The following WWC2 variants were observed in gnomAD, a reference collection of about 807,000 sequenced individuals.
WWC2 encodes the protein protein WWC2.
WWC2 carries 101 observed loss-of-function variants against 138.5 expected under a neutral mutation model. The ratio of observed to expected loss-of-function variants is 0.73; its 90% CI spans 0.62 to 0.86. WWC2 has a LOEUF of 0.86. WWC2 is among the 40% of genes least tolerant of loss of function. The pLI, the probability that WWC2 is intolerant of heterozygous loss-of-function variation, is 0.00. For synonymous variants in WWC2, 558 were observed against 538.4 expected, an observed-to-expected ratio of 1.04 and a Z score of -0.50; for missense variants, 1,420 against 1,419.4, an observed-to-expected ratio of 1.00 and a Z score of -0.01.
intron 1 of WWC2, among the ~76,000 whole-genome samples, chr4:183,191,676 A>G (rs1040652149): frequency 6.6e-6 from 1 of 152,078 alleles, no homozygotes; most frequent in Non-Finnish European, 1.5e-5. Context: ...AGAGTTTCTG[A>G]TTCTACAATA....
chr4:183,320,095 C>T lies in WWC2; in HGVS notation c.*4366C>T, dbSNP rs371081192. The T allele has an allele frequency of 1.2e-4, 186 of 1,614,014 alleles. 1 individual carries two copies. The highest frequency in any genetic ancestry group is 1.0e-3 in the Admixed American group (60 of 59,992). ...AGTCCCATGGTCCAGTTTTCCATTT[C>T]ATTTAAGTCCAGGTTGAGGTTCTTC... On this transcript the variant is annotated 3_prime_UTR_variant, in exon 23 of 23. Coordinates refer to ENST00000403733, the MANE Select transcript of WWC2 (RefSeq NM_024949.6).
At chr4:183,313,945 T>G (rs953538666) in intron 22 of WWC2, among the ~76,000 whole-genome samples, 7 of 151,462 alleles carry the variant, frequency 4.6e-5, no homozygotes, top group Admixed American at 2.6e-4. Context: ...GGTTGAGGTT[T>G]TGTATAGACG....
intron 1 of WWC2, among the ~76,000 whole-genome samples, chr4:183,159,560 C>T (rs1375503902): frequency 6.6e-6 from 1 of 152,042 alleles, no homozygotes; most frequent in Non-Finnish European, 1.5e-5. Flanking sequence ...TGCACCACAA[C>T]ACCTGTCTAA....
rs564145141 is a variant in WWC2 at position 183,151,552 on chromosome 4, C to T, written c.132-42047C>T. 1.1e-4 allele frequency among the ~76,000 whole-genome samples: 16 copies of T among 152,226 alleles called. No individual in the cohort carries two copies. The East Asian group carries it at 2.5e-3, about 24-fold the overall frequency. On this transcript the variant is annotated intron_variant, in intron 1 of 22. Transcript: ENST00000403733. ...GAAGCTCTTTAGTTTAGTTAGATCC[C>T]GTTTGTCAATTTTGGCTTTTGTTGC...
intron 4 of WWC2, among the ~76,000 whole-genome samples, chr4:183,230,862 G>A (rs1736223647): frequency 6.6e-6 from 1 of 152,116 alleles, no homozygotes; most frequent in South Asian, 2.1e-4. Context: ...AAAGAGACAT[G>A]AGAAAATTTA....
chr4:183,253,743 C>CT lies in WWC2; in HGVS notation c.954-3dup, dbSNP rs111846382. The CT allele has an allele frequency of 7.4e-3, 8,268 of 1,119,138 alleles. 4 individuals are homozygous for CT. Among genetic ancestry groups the CT allele is most frequent in the African/African-American group, 0.016 (1,065 of 67,312 alleles). The allele number at this position is 1,119,138 out of a possible 1,614,324, so 69.3% of individuals were successfully genotyped here. On this transcript the variant is annotated splice_polypyrimidine_tract_variant and intron_variant, in intron 8 of 22. Coordinates refer to ENST00000403733, the MANE Select transcript of WWC2 (RefSeq NM_024949.6). ...TTAAGTATGTGCATACCTCTTCTATCTTTTTTTTTTTAGTATGGCCAACTT... is the reference window on the plus strand; with the variant it reads ...TTAAGTATGTGCATACCTCTTCTATCTTTTTTTTTTTTAGTATGGCCAACTT...
chr4:183,113,767 ATT>A (rs753321213), intron 1 of WWC2, among the ~76,000 whole-genome samples: 18 of 139,996 alleles, frequency 1.3e-4, no homozygotes, highest in Admixed American at 7.2e-5. Flanking sequence ...GGAATTACAG[ATT>A]TTTTTTTTTT....
At chr4:183,167,096 A>G (rs1734150002) in intron 1 of WWC2, among the ~76,000 whole-genome samples, 1 of 152,210 alleles carries the variant, frequency 6.6e-6, no homozygotes, top group Non-Finnish European at 1.5e-5. Flanking sequence ...GTTTGTGAAC[A>G]TGGGACATCT....
At chr4:183,150,579 T>A (rs1349552919) in intron 1 of WWC2, among the ~76,000 whole-genome samples, 3 of 152,166 alleles carry the variant, frequency 2.0e-5, no homozygotes, top group East Asian at 3.8e-4. Context: ...AGTTCTGGGG[T>A]ACATGTGCAC....
chr4:183,299,534 T>C (rs1738753607), intron 21 of WWC2, among the ~76,000 whole-genome samples: 1 of 152,232 alleles, frequency 6.6e-6, no homozygotes, highest in Admixed American at 6.5e-5. Flanking sequence ...TGTGTACTTT[T>C]CTCACCAGTG....
At chr4:183,230,017 G>A (rs978647174) in intron 4 of WWC2, among the ~76,000 whole-genome samples, 4 of 151,972 alleles carry the variant, frequency 2.6e-5, no homozygotes, top group African/African-American at 9.7e-5. Context: ...TAGAGCTGGG[G>A]TTTTGCCGCA....
rs778069405 is a variant in WWC2, at chr4:183,260,927, T to C, written c.1304T>C (p.Leu435Pro). Residue 435 changes from leucine (L) to proline (P), a missense_variant, in exon 11 of 23, where the codon CTG becomes CCG. Leu to Pro is a moderately conservative substitution (Grantham distance 98). Coordinates refer to ENST00000403733, the MANE Select transcript of WWC2 (RefSeq NM_024949.6). Reference sequence around the variant, plus strand: ...TCTTTCAGCCTCTCTGCCAGCACCCTGTCCATGTCATCTGGGAGCAGCCTG... The same window carrying C: ...TCTTTCAGCCTCTCTGCCAGCACCCCGTCCATGTCATCTGGGAGCAGCCTG... ...SQLKSLSAST[L>P]SMSSGSSLGS... The C allele has an allele frequency of 1.2e-6, 2 of 1,613,802 alleles. No homozygotes were observed. Among genetic ancestry groups the C allele is most frequent in the Non-Finnish European group, 1.7e-6 (2 of 1,179,864 alleles).
rs1450909789 is a variant in WWC2, at chr4:183,103,706, C to T, written c.131+4084C>T. Among the ~76,000 whole-genome samples, 5 of 147,558 alleles carry T rather than the reference C, an allele frequency of 3.4e-5. No homozygotes were observed. In the East Asian group the frequency reaches 8.1e-4, roughly 24 times the overall value. The stretch of plus-strand genomic sequence containing the variant: ...AGACTGGAGTGCAGTGGTGCCATCT[C>T]GCCTCACTGCAACCTCCGCCGCCTG... On this transcript the variant is annotated intron_variant, in intron 1 of 22. Transcript: ENST00000403733.
intron 6 of WWC2, among the ~76,000 whole-genome samples, chr4:183,246,131 TC>T (rs780311044): frequency 6.6e-6 from 1 of 152,156 alleles, no homozygotes; most frequent in Non-Finnish European, 1.5e-5. Flanking sequence ...AGCCTGTGGG[TC>T]TTAACTCCCA....
intron 1 of WWC2, among the ~76,000 whole-genome samples, chr4:183,124,966 A>C (rs1173712418): frequency 2.6e-5 from 4 of 152,188 alleles, no homozygotes; most frequent in African/African-American, 9.7e-5. Flanking sequence ...TTCTGATGGA[A>C]TGTGTAGCCA....
At chr4:183,174,164 G>A (rs907382337) in intron 1 of WWC2, among the ~76,000 whole-genome samples, 1 of 152,142 alleles carries the variant, frequency 6.6e-6, no homozygotes, top group Admixed American at 6.5e-5. Flanking sequence ...TTTTTAATAA[G>A]GTACTCCTTT....
At chr4:183,284,940 A>G (rs1338942895) in intron 19 of WWC2, among the ~76,000 whole-genome samples, 1 of 152,230 alleles carries the variant, frequency 6.6e-6, no homozygotes, top group East Asian at 1.9e-4. Context: ...AGATAGACAT[A>G]ATATTATAAA....
intron 1 of WWC2, among the ~76,000 whole-genome samples, chr4:183,150,110 CAG>C (rs950942665): frequency 2.6e-5 from 4 of 152,102 alleles, no homozygotes; most frequent in African/African-American, 9.7e-5. Flanking sequence ...TTAGGTTGGA[CAG>C]GGAGTGAGAG....
chr4:183,226,763 A>G (rs867889159), intron 4 of WWC2, among the ~76,000 whole-genome samples: 7 of 152,038 alleles, frequency 4.6e-5, no homozygotes, highest in East Asian at 1.9e-4. Context: ...TTTTTATCCA[A>G]CCATTCAGTG....
Sources: allele counts gnomAD v4.1 joint callset (sites outside exome capture counted in the v4.1 genomes callset), GRCh38; gene constraint gnomAD v4.1.1; transcripts MANE v1.5; gene names NCBI Gene and HGNC (gene_info 2026-07-23, HGNC 2026-07-21).